Variants in TNFSF4 observed in about 807,000 individuals in gnomAD.
The protein encoded by TNFSF4 is TNF superfamily member 4.
Under a neutral mutation model 7.3 loss-of-function variants are expected in TNFSF4, and 4 were observed. That is an observed-to-expected ratio of 0.55 (90% confidence interval 0.27 to 1.25). TNFSF4 has a LOEUF of 1.25. Among genes scored for constraint, TNFSF4 ranks in the 50% most tolerant of loss-of-function variants. The pLI is 0.12. For synonymous variants in TNFSF4, 76 were observed against 83.7 expected (o/e 0.91, Z 0.50); for missense variants, 181 against 208.8 (o/e 0.87, Z 0.82).
the TNFSF4 span, among the ~76,000 whole-genome samples, chr1:173,314,376 T>G: frequency 1.3e-5 from 2 of 152,136 alleles, no homozygotes; most frequent in Non-Finnish European, 2.9e-5. Flanking sequence ...TTTGATTCAT[T>G]TCTCAGCCTA....
At chr1:173,354,005 C>T in the TNFSF4 span, among the ~76,000 whole-genome samples, 2 of 148,584 alleles carry the variant, frequency 1.3e-5, no homozygotes, top group African/African-American at 2.5e-5. Flanking sequence ...TGAAGGAGGT[C>T]GAGACACACA....
At chr1:173,371,502 C>A in the TNFSF4 span, among the ~76,000 whole-genome samples, 1 of 152,086 alleles carries the variant, frequency 6.6e-6, no homozygotes, top group Non-Finnish European at 1.5e-5. Context: ...CCAAATCAGG[C>A]TAAAAGACCC....
At chr1:173,437,397 T>C in the TNFSF4 span, among the ~76,000 whole-genome samples, 5 of 152,242 alleles carry the variant, frequency 3.3e-5, no homozygotes, top group Non-Finnish European at 7.3e-5. Flanking sequence ...ATTAATTATT[T>C]GCTTATTAAT....
the TNFSF4 span, among the ~76,000 whole-genome samples, chr1:173,374,010 G>C: frequency 6.6e-6 from 1 of 152,156 alleles, no homozygotes; most frequent in African/African-American, 2.4e-5. Flanking sequence ...AGAGAAGGTC[G>C]AGAAGGCAAA....
the TNFSF4 span, among the ~76,000 whole-genome samples, chr1:173,271,023 T>C: frequency 2.1e-4 from 32 of 152,280 alleles, no homozygotes; most frequent in African/African-American, 7.5e-4. Flanking sequence ...CTTTTGTAAG[T>C]GATGATACCA....
In TNFSF4 at chr1:173,186,798, G is replaced by T. The variant is rs1326338372; in HGVS notation, c.270C>A (p.Asn90Lys). Residue 90 changes from asparagine to lysine, a missense_variant, in exon 3 of 3, where the codon AAC (asparagine) becomes AAA (lysine). Transcript: ENST00000281834. ...CATCACAGTTGATGATGACTGAGTT[G>T]TTCTGCACCTTCATGATTTCATCCT... ...QKEDEIMKVQ[N>K]NSVIINCDGF... 2 of 1,613,604 alleles carry T rather than the reference G, an allele frequency of 1.2e-6. No individual in the cohort carries two copies. Among genetic ancestry groups the T allele is most frequent in the Non-Finnish European group, 8.5e-7 (1 of 1,179,798 alleles).
the TNFSF4 span, among the ~76,000 whole-genome samples, chr1:173,244,693 T>TA: frequency 6.8e-4 from 103 of 150,588 alleles, 1 homozygote; most frequent in African/African-American, 1.2e-3. Flanking sequence ...ACCCTCGAAT[T>TA]AAAAAAAATT....
the TNFSF4 span, among the ~76,000 whole-genome samples, chr1:173,431,980 T>C: frequency 1.3e-5 from 2 of 152,188 alleles, no homozygotes; most frequent in Non-Finnish European, 2.9e-5. Context: ...CAGCAGAGTG[T>C]AGCAATGCCC....
the TNFSF4 span, among the ~76,000 whole-genome samples, chr1:173,309,377 G>A: frequency 1.3e-5 from 2 of 151,748 alleles, no homozygotes; most frequent in African/African-American, 4.8e-5. Flanking sequence ...AAAAAAGTAA[G>A]AAATATCCTT....
At chr1:173,240,240 T>G in the TNFSF4 span, among the ~76,000 whole-genome samples, 1 of 152,162 alleles carries the variant, frequency 6.6e-6, no homozygotes, top group Non-Finnish European at 1.5e-5. Context: ...ACACTATCAT[T>G]ATCAGTCAAG....
chr1:173,315,774 T>A, the TNFSF4 span, among the ~76,000 whole-genome samples: 1 of 152,194 alleles, frequency 6.6e-6, no homozygotes, highest in Non-Finnish European at 1.5e-5. Flanking sequence ...TTGTTTGAAT[T>A]CCTTAAATAT....
chr1:173,415,924 A>G, the TNFSF4 span, among the ~76,000 whole-genome samples: 1 of 152,198 alleles, frequency 6.6e-6, no homozygotes, highest in African/African-American at 2.4e-5. Flanking sequence ...GAAAAATGAC[A>G]GCTGTGCAAA....
At chr1:173,404,082 T>C in the TNFSF4 span, among the ~76,000 whole-genome samples, 3 of 152,112 alleles carry the variant, frequency 2.0e-5, no homozygotes, top group South Asian at 2.1e-4. Context: ...TCCAGGAACA[T>C]AGAGCACTAG....
At chr1:173,305,704 A>AT in the TNFSF4 span, among the ~76,000 whole-genome samples, 1 of 151,672 alleles carries the variant, frequency 6.6e-6, no homozygotes, top group African/African-American at 2.4e-5. Context: ...AAAAAAAAAA[A>AT]GGGAAGTTTA....
chr1:173,375,820 G>A, the TNFSF4 span, among the ~76,000 whole-genome samples: 1 of 152,178 alleles, frequency 6.6e-6, no homozygotes, highest in South Asian at 2.1e-4. Flanking sequence ...CACTGTGGAA[G>A]CTTTGTTCTT....
the TNFSF4 span, among the ~76,000 whole-genome samples, chr1:173,396,287 A>G: frequency 6.6e-6 from 1 of 152,214 alleles, no homozygotes; most frequent in South Asian, 2.1e-4. Context: ...ATGTAGAAGG[A>G]TCACTTGAGC....
At chr1:173,368,399 G>T in the TNFSF4 span, among the ~76,000 whole-genome samples, 2 of 152,136 alleles carry the variant, frequency 1.3e-5, no homozygotes, top group Non-Finnish European at 2.9e-5. Context: ...CATCTTGTGG[G>T]CTCCTCCGGA....
chr1:173,355,344 A>C, the TNFSF4 span, among the ~76,000 whole-genome samples: 2 of 152,240 alleles, frequency 1.3e-5, no homozygotes, highest in African/African-American at 2.4e-5. Flanking sequence ...GAGGATTTGC[A>C]TGTGGACATC....
chr1:173,361,088 A>G, the TNFSF4 span, among the ~76,000 whole-genome samples: 9 of 152,224 alleles, frequency 5.9e-5, no homozygotes, highest in African/African-American at 2.2e-4. Flanking sequence ...ACAAGGAATA[A>G]TTTGGGAACT....
Sources: allele counts gnomAD v4.1 joint callset (sites outside exome capture counted in the v4.1 genomes callset), GRCh38; gene constraint gnomAD v4.1.1; transcripts MANE v1.5; gene names NCBI Gene and HGNC (gene_info 2026-07-23, HGNC 2026-07-21).